The following C10orf143 variants were observed in gnomAD, a reference collection of about 807,000 sequenced individuals.
The protein encoded by C10orf143 is uncharacterized protein C10orf143.
intron 3 of C10orf143, among the ~76,000 whole-genome samples, chr10:130,075,786 G>A (rs1028071979): frequency 1.3e-5 from 2 of 151,630 alleles, no homozygotes; most frequent in Admixed American, 6.6e-5. Flanking sequence ...CCCCTCTGGC[G>A]CTCTCTCTCT....
At chr10:130,103,006 G>A (rs1268694725) in intron 1 of C10orf143, among the ~76,000 whole-genome samples, 6 of 145,766 alleles carry the variant, frequency 4.1e-5, no homozygotes, top group South Asian at 4.3e-4. Context: ...ATTGTGTTTC[G>A]CTCTTGTTGC....
At chr10:130,061,919 ACT>A (rs1164684228), downstream of C10orf143, among the ~76,000 whole-genome samples, 2 of 149,778 alleles carry the variant, frequency 1.3e-5, no homozygotes, top group Non-Finnish European at 3.0e-5. Flanking sequence ...GCCAGGGATG[ACT>A]CTGGAGCCAG....
chr10:130,058,613 A>G (rs1860821717), intron 3 of C10orf143, among the ~76,000 whole-genome samples: 1 of 148,852 alleles, frequency 6.7e-6, no homozygotes, highest in Non-Finnish European at 1.5e-5. Flanking sequence ...GATCTGGTAT[A>G]ACAGTTACAC....
At chr10:130,055,952 TAAAAAAA>T (rs369284797) in intron 3 of C10orf143, among the ~76,000 whole-genome samples, 3 of 65,860 alleles carry the variant, frequency 4.6e-5, no homozygotes, top group Admixed American at 2.5e-4. Context: ...TCTCCAAAAG[TAAAAAAA>T]AAAAAAAAAA....
intron 3 of C10orf143, among the ~76,000 whole-genome samples, chr10:130,077,668 C>A (rs555573763): frequency 2.0e-5 from 3 of 152,216 alleles, no homozygotes; most frequent in African/African-American, 7.2e-5. Flanking sequence ...TTGTTAAGCA[C>A]GACTCCCAGG....
At chr10:130,107,376 T>C in intron 1 of C10orf143, 2 of 1,103,954 alleles carry the variant, frequency 1.8e-6, no homozygotes, top group South Asian at 2.5e-5. Context: ...GAGAGAACTA[T>C]TCATTATTAT....
At chr10:130,096,662 G>A (rs112233417) in intron 1 of C10orf143, among the ~76,000 whole-genome samples, 5,367 of 148,314 alleles carry the variant, frequency 0.036, 261 homozygotes, top group African/African-American at 0.1. Context: ...ATGGACACAG[G>A]GAGGGGAACA....
intron 1 of C10orf143, among the ~76,000 whole-genome samples, chr10:130,097,271 G>A (rs1861477310): frequency 6.6e-6 from 1 of 152,158 alleles, no homozygotes. Context: ...CTACAGTGAT[G>A]GCCAGGCATG....
intron 3 of C10orf143, among the ~76,000 whole-genome samples, chr10:130,048,185 C>T (rs1408955010): frequency 6.6e-6 from 1 of 152,190 alleles, no homozygotes; most frequent in Admixed American, 6.5e-5. Flanking sequence ...CTTGCCAGCC[C>T]TCTGTGGATA....
At chr10:130,050,125 T>TG (rs1367294352) in intron 3 of C10orf143, among the ~76,000 whole-genome samples, 1 of 152,176 alleles carries the variant, frequency 6.6e-6, no homozygotes, top group East Asian at 1.9e-4. Context: ...AAACAGGTGG[T>TG]GGGACCCGCC....
At chr10:130,107,799 G>A in intron 1 of C10orf143, 1 of 1,247,514 alleles carries the variant, frequency 8.0e-7, no homozygotes, top group African/African-American at 1.5e-5. Flanking sequence ...GATCCTCACA[G>A]GTCTCCTTCT....
chr10:130,108,323 T>G, intron 1 of C10orf143: 2 of 1,523,696 alleles, frequency 1.3e-6, no homozygotes, highest in East Asian at 2.3e-5. Flanking sequence ...TTTTCCTCCT[T>G]ACCCTCCCCC....
intron 1 of C10orf143, among the ~76,000 whole-genome samples, chr10:130,108,754 T>C (rs1247698302): frequency 6.6e-6 from 1 of 152,226 alleles, no homozygotes; most frequent in African/African-American, 2.4e-5. Flanking sequence ...GGCTGTGTCT[T>C]TATGCCAACA....
At chr10:130,037,523 C>T (rs1350122595) in intron 3 of C10orf143, among the ~76,000 whole-genome samples, 1 of 152,160 alleles carries the variant, frequency 6.6e-6, no homozygotes, top group Non-Finnish European at 1.5e-5. Flanking sequence ...TCTTCCCCTC[C>T]AGCCACCCAC....
At chr10:130,066,159 T>C (rs1360182239) in intron 3 of C10orf143, 1 of 150,836 alleles carries the variant, frequency 6.6e-6, no homozygotes, top group Non-Finnish European at 1.5e-5. Context: ...AAGAGCCACA[T>C]CAATTTGAGG....
chr10:130,066,147 C>G (rs892720170), intron 3 of C10orf143: 3 of 147,676 alleles, frequency 2.0e-5, no homozygotes, highest in Non-Finnish European at 4.5e-5. Context: ...AACGTGGGGA[C>G]AAAGAGCCAC....
intron 3 of C10orf143, among the ~76,000 whole-genome samples, chr10:130,069,380 T>C (rs1860993211): frequency 6.6e-6 from 1 of 152,156 alleles, no homozygotes; most frequent in South Asian, 2.1e-4. Context: ...CATCCCCAGA[T>C]AAACAAAAAC....
At chr10:130,038,559 C>T (rs376512583) in intron 3 of C10orf143, among the ~76,000 whole-genome samples, 31 of 152,144 alleles carry the variant, frequency 2.0e-4, no homozygotes, top group African/African-American at 6.0e-4. Context: ...AAAATGGTTT[C>T]GGGGGATTAT....
At chr10:130,050,382 C>T (rs1302429819) in intron 3 of C10orf143, among the ~76,000 whole-genome samples, 1 of 152,230 alleles carries the variant, frequency 6.6e-6, no homozygotes, top group Non-Finnish European at 1.5e-5. Context: ...CCAGCCTGAG[C>T]AACATGGCTG....
Sources: gnomAD v4.1 joint callset for allele counts (sites outside exome capture counted in the v4.1 genomes callset) on GRCh38, gnomAD v4.1.1 for gene constraint, MANE v1.5 for transcripts, NCBI Gene and HGNC (gene_info 2026-07-23, HGNC 2026-07-21) for gene names.